LAMA3: variants seen among roughly 807,000 people sequenced by gnomAD.
The protein encoded by LAMA3 is laminin subunit alpha 3.
In LAMA3, 281 loss-of-function variants were observed where a neutral mutation model predicts 402.0. The observed-to-expected ratio is 0.70, with a 90% CI of 0.63 to 0.77. The LOEUF is 0.77. Among genes scored for constraint, LAMA3 ranks in the 30% least tolerant of loss-of-function variants. The pLI is 0.00. For synonymous variants in LAMA3, 1,431 were observed against 1,558.4 expected (o/e 0.92, Z 1.93); for missense variants, 3,840 against 4,215.5 (o/e 0.91, Z 2.47).
At position 23,920,657 on chromosome 18, in the gene LAMA3, C is replaced by T. The variant is rs79668939; in HGVS notation, c.7924-278C>T. On this transcript the variant is annotated intron_variant, in intron 60 of 74. Coordinates refer to ENST00000313654, the MANE Select transcript of LAMA3 (RefSeq NM_198129.4). ...TATCTTTTCGGTCTCCATCTTTATA[C>T]ACCAGTTATGGATCGCATGAAACAA... Among the ~76,000 whole-genome samples the T allele has an allele frequency of 9.2e-4, 140 of 152,302 alleles. 2 individuals carry two copies. In the East Asian group the frequency reaches 0.016, roughly 17 times the overall value.
chr18:23,797,791 C>A (rs959298839), intron 12 of LAMA3, among the ~76,000 whole-genome samples: 1 of 151,946 alleles, frequency 6.6e-6, no homozygotes, highest in Non-Finnish European at 1.5e-5. Context: ...CAACTGTAGT[C>A]CTGGATTTAT....
chr18:23,858,657 G>A (rs748978815), intron 33 of LAMA3, 32 bp from the exon 34 acceptor site: 43 of 1,613,388 alleles, frequency 2.7e-5, no homozygotes, highest in African/African-American at 2.3e-4. Context: ...TTTGGAACAC[G>A]TGATCTCTTA....
At position 23,839,784 on chromosome 18, in the gene LAMA3, G is replaced by A. The variant is rs2063658169; in HGVS notation, c.3192-1G>A. On this transcript the variant is annotated splice_acceptor_variant, in intron 26 of 74. Coordinates refer to ENST00000313654, the MANE Select transcript of LAMA3 (RefSeq NM_198129.4). LOFTEE classifies it high-confidence loss of function. The surrounding 1 kb of genome is among the most constrained non-coding windows in gnomAD (Gnocchi z 4.5). Reference sequence around the variant, plus strand: ...AGATTTTTAAATATTCTATTTTTCAGTGCCACCTGTGTCTCCTTGGCCCAT... The same window carrying A: ...AGATTTTTAAATATTCTATTTTTCAATGCCACCTGTGTCTCCTTGGCCCAT... 1 of 1,614,010 alleles carries A rather than the reference G, an allele frequency of 6.2e-7. No individual in the cohort carries two copies. The highest frequency in any genetic ancestry group is 8.5e-7 in the Non-Finnish European group (1 of 1,179,958).
intron 68 of LAMA3, among the ~76,000 whole-genome samples, chr18:23,942,102 G>T (rs1020311248): frequency 1.3e-5 from 2 of 152,174 alleles, no homozygotes; most frequent in African/African-American, 2.4e-5. Context: ...AAAGCAAAGA[G>T]AATTAACAGT....
At chr18:23,695,191 A>G (rs960343456) in intron 1 of LAMA3, among the ~76,000 whole-genome samples, 2 of 152,104 alleles carry the variant, frequency 1.3e-5, no homozygotes, top group Non-Finnish European at 2.9e-5. Flanking sequence ...TCTTGCTGAC[A>G]CCTTGATTTT....
intron 2 of LAMA3, among the ~76,000 whole-genome samples, chr18:23,747,620 T>G (rs2061674587): frequency 6.6e-6 from 1 of 152,202 alleles, no homozygotes; most frequent in Non-Finnish European, 1.5e-5. Context: ...CTGCTTGCCA[T>G]CAGACTTTTC....
chr18:23,865,299 G>T (rs1941524), intron 36 of LAMA3, among the ~76,000 whole-genome samples: 95,680 of 151,878 alleles, frequency 0.63, 30,642 homozygotes, highest in African/African-American at 0.67. Context: ...CAGCTGAGGA[G>T]TTTTTAATTT....
At chr18:23,904,425 G>GT (rs1201551362) in intron 50 of LAMA3, 128 bp from the exon 51 acceptor site, 15 of 1,114,980 alleles carry the variant, frequency 1.3e-5, no homozygotes, top group East Asian at 1.3e-4. Context: ...ATTTTATTTT[G>GT]TTTTTTTCCA....
At chr18:23,815,661 C>T in intron 17 of LAMA3, 88 bp downstream of exon 17, 1 of 931,430 alleles carries the variant, frequency 1.1e-6, no homozygotes, top group Middle Eastern at 2.2e-4. Flanking sequence ...TTGTCATCTT[C>T]ACGCAGACTT....
Position 23,827,428 on chromosome 18 carries a change from A to T in LAMA3, c.2784A>T (p.Thr928=), listed in dbSNP as rs770206637. The T allele has an allele frequency of 9.9e-5, 159 of 1,614,078 alleles. No homozygotes were observed. Among genetic ancestry groups the T allele is most frequent in the Non-Finnish European group, 1.3e-4 (150 of 1,180,040 alleles). ...GACCCGTGGCAGTGAGGCAGCCCAC[A>T]CCTGCACACCCTGTCATGGTGGACC... ...EPRPVAVRQP[T]PAHPVMVDLS... is the part of the protein sequence containing the mutation. Residue 928 remains threonine (T), a synonymous_variant, in exon 23 of 75, where the codon ACA becomes ACT. Coordinates refer to ENST00000313654, the MANE Select transcript of LAMA3 (RefSeq NM_198129.4).
chr18:23,690,416 G>A (rs1031064173), intron 1 of LAMA3, among the ~76,000 whole-genome samples: 1 of 152,240 alleles, frequency 6.6e-6, no homozygotes, highest in African/African-American at 2.4e-5. Flanking sequence ...TGTATTTTAA[G>A]AGAGAATTTT....
chr18:23,945,760 G>T (rs2082687330), intron 69 of LAMA3, among the ~76,000 whole-genome samples: 1 of 152,084 alleles, frequency 6.6e-6, no homozygotes, highest in Non-Finnish European at 1.5e-5. Flanking sequence ...AGGGTGCCAC[G>T]ACTCCAACAC....
At chr18:23,856,532 C>T (rs149060835) in intron 32 of LAMA3, among the ~76,000 whole-genome samples, 2 of 152,330 alleles carry the variant, frequency 1.3e-5, no homozygotes, top group Middle Eastern at 3.4e-3. Flanking sequence ...CCTCTCCAAC[C>T]TCGAGTTCTG....
Position 23,845,118 on chromosome 18 carries a change from A to C in LAMA3, c.3713A>C (p.Tyr1238Ser). 6.4e-7 allele frequency: 1 copy of C among 1,565,928 alleles called. No homozygotes were observed. Among genetic ancestry groups the C allele is most frequent in the Non-Finnish European group, 8.8e-7 (1 of 1,136,104 alleles). ...ACCAATTGTGGAAAAAACAGCTTTT[A>C]CCTTGAGTGAGTATCACTTTGTGGG... ...FITNCGKNSF[Y>S]LDPQTASRFC... The change falls in exon 30 of 75, where the codon TAC (tyrosine) becomes TCC (serine). Residue 1238 changes from tyrosine (Y) to serine (S), a missense_variant. Coordinates refer to ENST00000313654, the MANE Select transcript of LAMA3 (RefSeq NM_198129.4).
In LAMA3 at chr18:23,879,623, G is replaced by C. The variant is rs776773668; in HGVS notation, c.5113-2313G>C. Among the ~76,000 whole-genome samples the C allele has an allele frequency of 2.0e-5, 3 of 152,228 alleles. No individual in the cohort carries two copies. The highest frequency in any genetic ancestry group is 7.2e-5 in the African/African-American group (3 of 41,460). Reference sequence around the variant, plus strand: ...GTGACAAATGGAGCTAGGAGAGCACGTGCCATGGGAGTGGACGTGGGCTTC... The same window carrying C: ...GTGACAAATGGAGCTAGGAGAGCACCTGCCATGGGAGTGGACGTGGGCTTC... On this transcript the variant is annotated intron_variant, in intron 39 of 74. Coordinates refer to ENST00000313654, the MANE Select transcript of LAMA3 (RefSeq NM_198129.4). This position sits in a 1 kb window ranked among gnomAD's most constrained non-coding sequence, Gnocchi z 4.2.
rs2145407506 is a variant in LAMA3, at chr18:23,932,287, CA to C, written c.8705del (p.Gln2902ArgfsTer5). ...GGGTTGTATTAGCAATGTTTTTGTC[CA>C]GAGGTAGGTGATCCTCTCTTTGTGG... ...FEGCISNVFV[Q>X]RLSLSPEVLD... is the part of the protein sequence containing the mutation. On this transcript the variant is annotated frameshift_variant, in exon 66 of 75. Transcript: ENST00000313654. LOFTEE classifies it high-confidence loss of function. The C allele has an allele frequency of 6.2e-7, 1 of 1,613,838 alleles. No individual in the cohort carries two copies. Among genetic ancestry groups the C allele is most frequent in the Admixed American group, 1.7e-5 (1 of 60,016 alleles).
chr18:23,757,277 C>T (rs909840343), intron 6 of LAMA3, among the ~76,000 whole-genome samples: 1 of 152,052 alleles, frequency 6.6e-6, no homozygotes, highest in South Asian at 2.1e-4. Flanking sequence ...GGCTTCAGGC[C>T]GTCTTCCCAC....
chr18:23,879,423 CA>C lies in LAMA3; in HGVS notation c.5113-2512del, dbSNP rs1188074172. ...CCTGTCCTTCTGCGGCCCTCGCAGG[CA>C]GCCCCTCCTCCTGCTCTCGTGGGAT... On this transcript the variant is annotated intron_variant, in intron 39 of 74. Transcript: ENST00000313654. The surrounding 1 kb of genome is among the most constrained non-coding windows in gnomAD (Gnocchi z 4.2). Among the ~76,000 whole-genome samples, 1 of 152,224 alleles carries C rather than the reference CA, an allele frequency of 6.6e-6. No individual in the cohort carries two copies. Among genetic ancestry groups the C allele is most frequent in the African/African-American group, 2.4e-5 (1 of 41,466 alleles).
intron 36 of LAMA3, among the ~76,000 whole-genome samples, chr18:23,865,622 A>G (rs942924643): frequency 6.6e-6 from 1 of 152,194 alleles, no homozygotes; most frequent in African/African-American, 2.4e-5. Flanking sequence ...CTATTGGAGG[A>G]GAGCCAAACA....
Sources: allele counts gnomAD v4.1 joint callset (sites outside exome capture counted in the v4.1 genomes callset), GRCh38; gene constraint gnomAD v4.1.1; non-coding constraint Gnocchi (gnomAD v3.1); transcripts MANE v1.5; gene names NCBI Gene and HGNC (gene_info 2026-07-23, HGNC 2026-07-21).